The following DLG2 variants were observed in gnomAD, a reference collection of about 807,000 sequenced individuals.
DLG2 encodes discs large MAGUK scaffold protein 2, also known as disks large homolog 2.
A neutral mutation model predicts 132.5 loss-of-function variants in DLG2; 45 were observed. That is an observed-to-expected ratio of 0.34 (90% CI 0.27 to 0.44). DLG2 has a LOEUF of 0.44. Among genes scored for constraint, DLG2 ranks in the 20% least tolerant of loss-of-function variants. The pLI, the probability that DLG2 is intolerant of heterozygous loss-of-function variation, is 1.00. For missense variants in DLG2, 1,045 were observed against 1,196.9 expected, an observed-to-expected ratio of 0.87 and a Z score of 1.87; for synonymous variants, 424 against 419.6, an observed-to-expected ratio of 1.01 and a Z score of -0.13.
chr11:84,056,759 G>A (rs539817134), intron 11 of DLG2, among the ~76,000 whole-genome samples: 1 of 152,274 alleles, frequency 6.6e-6, no homozygotes, highest in South Asian at 2.1e-4. Flanking sequence ...GGAGAGGGAT[G>A]AGGAATTTAA....
At chr11:83,579,428 G>C (rs1218163037) in intron 19 of DLG2, among the ~76,000 whole-genome samples, 2 of 152,156 alleles carry the variant, frequency 1.3e-5, no homozygotes, top group African/African-American at 4.8e-5. Flanking sequence ...GGCCAAACCA[G>C]CATAATGGAT....
chr11:84,827,012 AT>A (rs35510436), intron 6 of DLG2, among the ~76,000 whole-genome samples: 2 of 151,836 alleles, frequency 1.3e-5, no homozygotes, highest in Admixed American at 6.6e-5. Flanking sequence ...ACAAAACTCA[AT>A]TTTTTTACTA....
chr11:84,525,053 C>T (rs2099316114), intron 7 of DLG2, among the ~76,000 whole-genome samples: 2 of 152,026 alleles, frequency 1.3e-5, no homozygotes, highest in South Asian at 4.1e-4. Flanking sequence ...TTTCTCACTG[C>T]TTCATGTTAT....
chr11:84,587,227 T>C (rs888300166), intron 6 of DLG2, among the ~76,000 whole-genome samples: 1 of 152,180 alleles, frequency 6.6e-6, no homozygotes, highest in African/African-American at 2.4e-5. Context: ...CAAATTTATT[T>C]TCTTTGGCTT....
chr11:85,038,603 CA>C (rs1297321998), intron 6 of DLG2, among the ~76,000 whole-genome samples: 1 of 151,946 alleles, frequency 6.6e-6, no homozygotes, highest in Admixed American at 6.6e-5. Flanking sequence ...AAAAATTCAA[CA>C]AATTATTGCT....
intron 6 of DLG2, among the ~76,000 whole-genome samples, chr11:84,882,959 G>A (rs1006313112): frequency 2.0e-5 from 3 of 151,960 alleles, no homozygotes; most frequent in African/African-American, 7.3e-5. Flanking sequence ...CCATTCCTGG[G>A]TATATACCCA....
chr11:84,420,793 C>CAAG (rs994491287), intron 7 of DLG2, among the ~76,000 whole-genome samples: 2 of 150,442 alleles, frequency 1.3e-5, no homozygotes, highest in African/African-American at 4.9e-5. Flanking sequence ...CTCAGCCTCC[C>CAAG]AAGTAGCTGG....
At chr11:84,399,248 A>T (rs1178443923) in intron 7 of DLG2, among the ~76,000 whole-genome samples, 1 of 151,614 alleles carries the variant, frequency 6.6e-6, no homozygotes, top group Non-Finnish European at 1.5e-5. Flanking sequence ...GTCACCTTTA[A>T]CCCTCCTGAG....
rs1339356144 is a variant in DLG2 at position 84,644,675 on chromosome 11, C to G, written c.358-109944G>C. On this transcript the variant is annotated intron_variant, in intron 6 of 27. Coordinates refer to ENST00000376104, the MANE Select transcript of DLG2 (RefSeq NM_001142699.3). ...GAGCTGAGATCGTGCCACTGCACTC[C>G]AGCCTGGGCAACAGAACGAGACTCC... is the stretch of plus-strand genomic sequence containing the variant. 3.4e-5 allele frequency among the ~76,000 whole-genome samples: 5 copies of G among 146,774 alleles called. No individual in the cohort carries two copies. In the East Asian group the frequency reaches 1.0e-3, roughly 29 times the overall value.
intron 3 of DLG2, among the ~76,000 whole-genome samples, chr11:85,291,510 A>G (rs2078887913): frequency 6.6e-6 from 1 of 151,280 alleles, no homozygotes. Context: ...GTTTTTGGTG[A>G]TTGGCATATA....
intron 4 of DLG2, among the ~76,000 whole-genome samples, chr11:85,274,039 G>A (rs890749317): frequency 7.9e-5 from 12 of 152,148 alleles, no homozygotes; most frequent in Non-Finnish European, 1.5e-4. Context: ...CTCACTCATA[G>A]GTGGGAATTG....
In DLG2 at chr11:85,604,366, G is replaced by A. The variant is rs73499179; in HGVS notation, c.-92-5578C>T. ...TCTCTCTACTCAAATCCTTATTTCT[G>A]GTTAATGAAAGTTTGAAGGTAATCT... On this transcript the variant is annotated intron_variant, in intron 2 of 27. Coordinates refer to ENST00000376104, the MANE Select transcript of DLG2 (RefSeq NM_001142699.3). Among the ~76,000 whole-genome samples, 145 of 152,116 alleles carry A rather than the reference G, an allele frequency of 9.5e-4. 3 individuals carry two copies. The highest frequency in any genetic ancestry group is 3.4e-3 in the African/African-American group (143 of 41,482).
chr11:84,818,014 C>A (rs929453192), intron 6 of DLG2, among the ~76,000 whole-genome samples: 1 of 151,954 alleles, frequency 6.6e-6, no homozygotes, highest in Admixed American at 6.6e-5. Context: ...CTAGCATATG[C>A]CAAACAGATG....
At chr11:85,464,387 A>G (rs1047584292) in intron 3 of DLG2, among the ~76,000 whole-genome samples, 1 of 152,000 alleles carries the variant, frequency 6.6e-6, no homozygotes, top group East Asian at 1.9e-4. Context: ...GTTTTTACGG[A>G]CAACTTGGTG....
At chr11:85,003,766 G>A (rs531547442) in intron 6 of DLG2, among the ~76,000 whole-genome samples, 5 of 152,114 alleles carry the variant, frequency 3.3e-5, no homozygotes, top group African/African-American at 1.2e-4. Context: ...TACATATGCA[G>A]AACATGCAGG....
intron 6 of DLG2, among the ~76,000 whole-genome samples, chr11:84,842,171 A>T (rs2080783333): frequency 6.6e-6 from 1 of 152,032 alleles, no homozygotes; most frequent in Non-Finnish European, 1.5e-5. Flanking sequence ...TATAGAGATG[A>T]GGAAATCTAA....
At chr11:83,604,809 TA>T (rs1206251488) in intron 19 of DLG2, among the ~76,000 whole-genome samples, 2 of 152,040 alleles carry the variant, frequency 1.3e-5, no homozygotes, top group Non-Finnish European at 2.9e-5. Context: ...AAAACTGCTT[TA>T]AAAAAAGAAA....
chr11:85,044,398 A>C (rs1459589647), intron 6 of DLG2, among the ~76,000 whole-genome samples: 1 of 151,998 alleles, frequency 6.6e-6, no homozygotes, highest in Non-Finnish European at 1.5e-5. Context: ...TTGTGTGTTT[A>C]TAAATGTTAA....
At chr11:84,107,632 A>AG (rs1347007809) in intron 9 of DLG2, among the ~76,000 whole-genome samples, 2 of 152,242 alleles carry the variant, frequency 1.3e-5, no homozygotes, top group South Asian at 2.1e-4. Context: ...AGCCATGGGT[A>AG]GGGGGAGGAA....
Sources: allele counts gnomAD v4.1 joint callset (sites outside exome capture counted in the v4.1 genomes callset), GRCh38; gene constraint gnomAD v4.1.1; transcripts MANE v1.5; gene names NCBI Gene and HGNC (gene_info 2026-07-23, HGNC 2026-07-21).